GBE1: variants seen among roughly 807,000 people sequenced by gnomAD.
GBE1 encodes the protein 1,4-alpha-glucan branching enzyme 1, also known as 1,4-alpha-glucan-branching enzyme.
In GBE1, 70 loss-of-function variants were observed where a neutral mutation model predicts 88.8. The observed-to-expected ratio is 0.79, with a 90% CI of 0.65 to 0.96. GBE1 has a LOEUF of 0.96. Ranked by LOEUF, GBE1 falls within the 40% of genes least tolerant of loss-of-function variation. The probability of loss-of-function intolerance (pLI) is 0.00; values close to 1 mark genes in which losing one functional copy is unlikely to be tolerated. For missense variants in GBE1, 872 were observed against 871.0 expected (o/e 1.00, Z -0.01); for synonymous variants, 284 against 300.1 (o/e 0.95, Z 0.56).
intron 2 of GBE1, among the ~76,000 whole-genome samples, chr3:81,697,334 C>T (rs1240254771): frequency 2.7e-5 from 4 of 148,540 alleles, no homozygotes; most frequent in Non-Finnish European, 5.9e-5. Flanking sequence ...GAGTCTCGCT[C>T]TGTCATCCAG....
intron 7 of GBE1, among the ~76,000 whole-genome samples, chr3:81,632,399 A>C (rs1268223042): frequency 6.6e-6 from 1 of 152,218 alleles, no homozygotes. Flanking sequence ...TGGGCAAAGG[A>C]TATGAACAGA....
At chr3:81,593,630 G>A (rs2106956445) in intron 8 of GBE1, among the ~76,000 whole-genome samples, 1 of 152,078 alleles carries the variant, frequency 6.6e-6, no homozygotes, top group Non-Finnish European at 1.5e-5. Context: ...TGGAAGTGCT[G>A]TAGTGTTCAC....
intron 14 of GBE1, chr3:81,534,570 A>T (rs1328031851): frequency 6.6e-6 from 1 of 152,050 alleles, no homozygotes; most frequent in Non-Finnish European, 1.5e-5. Flanking sequence ...CTTCTTACCA[A>T]TTCAGGCCTA....
At chr3:81,560,143 C>A (rs796318195) in intron 12 of GBE1, among the ~76,000 whole-genome samples, 9 of 151,990 alleles carry the variant, frequency 5.9e-5, no homozygotes, top group African/African-American at 2.2e-4. Context: ...TAATTAAGTT[C>A]TCATCGTACC....
intron 1 of GBE1, 101 bp downstream of exon 1, chr3:81,761,274 C>T: frequency 6.9e-7 from 1 of 1,442,074 alleles, no homozygotes; most frequent in South Asian, 1.4e-5. Context: ...CCGCCTGGGG[C>T]GGGGTTGGCG....
intron 8 of GBE1, among the ~76,000 whole-genome samples, chr3:81,593,370 C>CAAT (rs6147919): frequency 0.015 from 2,207 of 144,070 alleles, 20 homozygotes; most frequent in African/African-American, 0.027. Context: ...GTCTCAAGAA[C>CAAT]AATAATAATA....
At chr3:81,701,250 C>T (rs1368888790) in intron 2 of GBE1, among the ~76,000 whole-genome samples, 7 of 151,946 alleles carry the variant, frequency 4.6e-5, no homozygotes, top group South Asian at 2.1e-4. Flanking sequence ...TAGGTTGCTG[C>T]GGCAGCTGTT....
At chr3:81,573,312 T>G (rs1259043959) in intron 12 of GBE1, among the ~76,000 whole-genome samples, 2 of 152,222 alleles carry the variant, frequency 1.3e-5, no homozygotes, top group African/African-American at 4.8e-5. Context: ...GTCAATTGCT[T>G]CAAGCCTACT....
chr3:81,715,716 T>A (rs2107182895), intron 1 of GBE1, among the ~76,000 whole-genome samples: 1 of 152,228 alleles, frequency 6.6e-6, no homozygotes, highest in South Asian at 2.1e-4. Context: ...CACTTAACAA[T>A]CTCAGAATTT....
At chr3:81,624,467 G>C (rs1405399725) in intron 7 of GBE1, among the ~76,000 whole-genome samples, 1 of 152,104 alleles carries the variant, frequency 6.6e-6, no homozygotes, top group East Asian at 1.9e-4. Flanking sequence ...ATTTAATACA[G>C]AAACAGTATT....
chr3:81,623,237 C>T (rs1417127499), intron 7 of GBE1, among the ~76,000 whole-genome samples: 2 of 152,172 alleles, frequency 1.3e-5, no homozygotes, highest in Non-Finnish European at 2.9e-5. Context: ...TCTCCCTGGC[C>T]TTCCTTTAAA....
intron 14 of GBE1, among the ~76,000 whole-genome samples, chr3:81,534,340 G>A (rs6762839): frequency 0.067 from 10,211 of 152,022 alleles, 581 homozygotes; most frequent in African/African-American, 0.15. Context: ...GGCAGTGACT[G>A]TATCTGCTAG....
At chr3:81,701,640 T>C (rs796797293) in intron 2 of GBE1, among the ~76,000 whole-genome samples, 34 of 152,166 alleles carry the variant, frequency 2.2e-4, no homozygotes, top group African/African-American at 7.7e-4. Flanking sequence ...ATGATCACAT[T>C]TATCCCCAAC....
Position 81,527,472 on chromosome 3 carries a change from C to T in GBE1, c.1934+7723G>A, listed in dbSNP as rs186397061. 2.4e-3 allele frequency among the ~76,000 whole-genome samples: 365 copies of T among 152,254 alleles called. 1 individual carries two copies. Among genetic ancestry groups the T allele is most frequent in the South Asian group, 5.6e-3 (27 of 4,822 alleles). On this transcript the variant is annotated intron_variant, in intron 14 of 15. Coordinates refer to ENST00000429644, the MANE Select transcript of GBE1 (RefSeq NM_000158.4). Reference sequence around the variant, plus strand: ...GAGAAAATTTTTGCAATCTATTCATCTGACAAAGGGCTAATATCCAGAATC... The same window carrying T: ...GAGAAAATTTTTGCAATCTATTCATTTGACAAAGGGCTAATATCCAGAATC...
chr3:81,737,359 T>TTA (rs1553695456), intron 1 of GBE1, among the ~76,000 whole-genome samples: 3 of 38,264 alleles, frequency 7.8e-5, no homozygotes, highest in East Asian at 1.1e-3. Context: ...AAATATATAT[T>TTA]TATATATTTA....
At chr3:81,644,696 A>G (rs1426653871) in intron 6 of GBE1, among the ~76,000 whole-genome samples, 1 of 152,142 alleles carries the variant, frequency 6.6e-6, no homozygotes, top group Non-Finnish European at 1.5e-5. Flanking sequence ...AAAATTGACC[A>G]TTAATTGGTA....
intron 12 of GBE1, among the ~76,000 whole-genome samples, chr3:81,566,810 T>C (rs1303864802): frequency 6.6e-6 from 1 of 152,280 alleles, no homozygotes; most frequent in East Asian, 1.9e-4. Flanking sequence ...AGGACTTCTG[T>C]ATAAACATTT....
At position 81,514,008 on chromosome 3, in the gene GBE1, C is replaced by T. The variant is rs78505911; in HGVS notation, c.1935-14781G>A. Among the ~76,000 whole-genome samples, 409 of 151,774 alleles carry T rather than the reference C, an allele frequency of 2.7e-3. 4 individuals carry two copies. The highest frequency in any genetic ancestry group is 0.01 in the Middle Eastern group (3 of 294). On this transcript the variant is annotated intron_variant, in intron 14 of 15. Transcript: ENST00000429644. ...TAAGAACAAGAAATACCTATTACCT[C>T]TGGAGACCTTTGTTACATGAGCCAA...
intron 14 of GBE1, among the ~76,000 whole-genome samples, chr3:81,528,869 T>C (rs1261503917): frequency 6.6e-6 from 1 of 152,062 alleles, no homozygotes; most frequent in African/African-American, 2.4e-5. Flanking sequence ...AGTGCTTTTA[T>C]AGGTGAAGCA....
Sources: allele counts gnomAD v4.1 joint callset (sites outside exome capture counted in the v4.1 genomes callset), GRCh38; gene constraint gnomAD v4.1.1; transcripts MANE v1.5; gene names NCBI Gene and HGNC (gene_info 2026-07-23, HGNC 2026-07-21).